Variants in GALNTL6 observed in about 807,000 individuals in gnomAD.
GALNTL6 encodes polypeptide N-acetylgalactosaminyltransferase like 6, also known as polypeptide N-acetylgalactosaminyltransferase-like 6.
GALNTL6 carries 46 observed loss-of-function variants against 73.7 expected under a neutral mutation model. The ratio of observed to expected loss-of-function variants is 0.62; its 90% CI spans 0.49 to 0.80. The LOEUF (loss-of-function observed/expected upper bound fraction) is 0.80. GALNTL6 is among the 30% of genes least tolerant of loss of function. GALNTL6 has a pLI of 0.00. For missense variants in GALNTL6, 604 were observed against 755.0 expected (o/e 0.80, Z 2.34); for synonymous variants, 259 against 263.7 (o/e 0.98, Z 0.17).
intron 2 of GALNTL6, among the ~76,000 whole-genome samples, chr4:172,006,279 T>A (rs1178411373): frequency 1.3e-5 from 2 of 152,186 alleles, no homozygotes; most frequent in African/African-American, 2.4e-5. Flanking sequence ...GTTTTTCCTA[T>A]ATGCCAATGG....
chr4:172,543,202 C>A (rs1394556443), intron 5 of GALNTL6, among the ~76,000 whole-genome samples: 1 of 152,140 alleles, frequency 6.6e-6, no homozygotes, highest in African/African-American at 2.4e-5. Context: ...AAATCCCACC[C>A]TTTTCTATAG....
chr4:172,490,895 A>T (rs993076760), intron 5 of GALNTL6, among the ~76,000 whole-genome samples: 1 of 152,152 alleles, frequency 6.6e-6, no homozygotes, highest in Admixed American at 6.6e-5. Context: ...CCGTTCATTC[A>T]TTTATTCATT....
chr4:172,340,246 T>C lies in GALNTL6; in HGVS notation c.387-8277T>C, dbSNP rs116729992. 2.4e-3 allele frequency among the ~76,000 whole-genome samples: 369 copies of C among 152,344 alleles called. 2 individuals are homozygous for C. Among genetic ancestry groups the C allele is most frequent in the African/African-American group, 8.2e-3 (340 of 41,580 alleles). Reference sequence around the variant, plus strand: ...AATACTTTCTCTGCATCTATTGAGATGATCATGTGGTTTTATGATTTTATT... The same window carrying C: ...AATACTTTCTCTGCATCTATTGAGACGATCATGTGGTTTTATGATTTTATT... On this transcript the variant is annotated intron_variant, in intron 4 of 12. Coordinates refer to ENST00000506823, the MANE Select transcript of GALNTL6 (RefSeq NM_001034845.3).
At chr4:171,904,430 G>A (rs1737207485) in intron 2 of GALNTL6, among the ~76,000 whole-genome samples, 1 of 152,096 alleles carries the variant, frequency 6.6e-6, no homozygotes, top group African/African-American at 2.4e-5. Flanking sequence ...AAAGAGAGAA[G>A]GGAAGTTCGG....
intron 2 of GALNTL6, among the ~76,000 whole-genome samples, chr4:171,865,594 A>T (rs1735949319): frequency 6.6e-6 from 1 of 152,228 alleles, no homozygotes; most frequent in Admixed American, 6.5e-5. Flanking sequence ...TTTGTATTTC[A>T]AGGAAAAAAG....
chr4:172,281,005 CAA>C (rs34883890), intron 3 of GALNTL6, among the ~76,000 whole-genome samples: 4 of 132,704 alleles, frequency 3.0e-5, no homozygotes, highest in Non-Finnish European at 1.7e-5. Context: ...CTAAAAAATA[CAA>C]AAAAAAAAAA....
intron 2 of GALNTL6, among the ~76,000 whole-genome samples, chr4:172,116,466 G>C (rs987196545): frequency 3.3e-5 from 5 of 151,996 alleles, no homozygotes; most frequent in African/African-American, 1.2e-4. Flanking sequence ...ATGATTTTTA[G>C]ATGACTGTTA....
chr4:172,538,132 A>T (rs1735413494), intron 5 of GALNTL6, among the ~76,000 whole-genome samples: 1 of 152,150 alleles, frequency 6.6e-6, no homozygotes, highest in South Asian at 2.1e-4. Flanking sequence ...CTGTATATAC[A>T]CAGACATCAG....
rs1560843329 is a variant in GALNTL6 at position 171,924,215 on chromosome 4, A to ACACAAAC, written c.138+109497_138+109498insCACAAAC. ...ACACACACACACACACACACACACA[A>ACACAAAC]ACACACACACACAGAGTTTGTCCAG... On this transcript the variant is annotated intron_variant, in intron 2 of 12. Coordinates refer to ENST00000506823, the MANE Select transcript of GALNTL6 (RefSeq NM_001034845.3). Among the ~76,000 whole-genome samples the ACACAAAC allele has an allele frequency of 5.2e-4, 62 of 118,704 alleles. 1 individual carries two copies. Among genetic ancestry groups the ACACAAAC allele is most frequent in the African/African-American group, 1.8e-3 (58 of 31,956 alleles). The allele number at this position is 118,704 out of a possible 152,430, so 77.9% of individuals were successfully genotyped here. A position where few individuals can be genotyped will look rare whatever the true frequency, so the allele number is the denominator to read the frequency against.
chr4:172,849,602 C>A (rs1432929248), intron 7 of GALNTL6, among the ~76,000 whole-genome samples: 1 of 152,110 alleles, frequency 6.6e-6, no homozygotes, highest in Non-Finnish European at 1.5e-5. Flanking sequence ...TAAGTAAACA[C>A]AAATAAAGTG....
At chr4:172,627,947 A>AC (rs1739232687) in intron 5 of GALNTL6, among the ~76,000 whole-genome samples, 2 of 151,594 alleles carry the variant, frequency 1.3e-5, no homozygotes, top group Non-Finnish European at 2.9e-5. Flanking sequence ...TCAAAAAAAA[A>AC]ACTACTTTTG....
chr4:172,642,316 G>A (rs946259104), intron 5 of GALNTL6, among the ~76,000 whole-genome samples: 1 of 151,896 alleles, frequency 6.6e-6, no homozygotes, highest in African/African-American at 2.4e-5. Flanking sequence ...ACTAAGGTGT[G>A]GAATCAACCT....
intron 2 of GALNTL6, among the ~76,000 whole-genome samples, chr4:171,859,901 T>C (rs1434903434): frequency 6.6e-6 from 1 of 152,200 alleles, no homozygotes; most frequent in Non-Finnish European, 1.5e-5. Context: ...ACTTATCTGG[T>C]CAGATTGATA....
intron 2 of GALNTL6, among the ~76,000 whole-genome samples, chr4:172,119,041 C>T (rs1268008473): frequency 2.0e-5 from 3 of 151,676 alleles, no homozygotes; most frequent in Admixed American, 2.0e-4. Flanking sequence ...AGTACATGGT[C>T]TTAATAAAAA....
chr4:171,941,056 T>A (rs549166286), intron 2 of GALNTL6, among the ~76,000 whole-genome samples: 3 of 152,156 alleles, frequency 2.0e-5, no homozygotes, highest in Admixed American at 2.0e-4. Context: ...CTACAGTCAC[T>A]TCAGGATAAA....
At chr4:172,682,867 A>C (rs1161103365) in intron 5 of GALNTL6, among the ~76,000 whole-genome samples, 2 of 152,146 alleles carry the variant, frequency 1.3e-5, no homozygotes, top group Non-Finnish European at 2.9e-5. Flanking sequence ...ATTAGAAAAA[A>C]AAATCTGAGC....
intron 2 of GALNTL6, among the ~76,000 whole-genome samples, chr4:172,074,469 TCATCCACAATTGC>T (rs145673905): frequency 0.018 from 2,736 of 152,290 alleles, 72 homozygotes; most frequent in African/African-American, 0.059. Context: ...TGCGGTTCTA[TCATCCACAATTGC>T]CATCCACAAT....
chr4:171,852,401 G>T (rs564523660), intron 2 of GALNTL6, among the ~76,000 whole-genome samples: 1 of 152,052 alleles, frequency 6.6e-6, no homozygotes, highest in Non-Finnish European at 1.5e-5. Context: ...ATTGCTTAAA[G>T]AAACTTGAAA....
At chr4:172,928,145 A>G (rs1006686384) in intron 8 of GALNTL6, among the ~76,000 whole-genome samples, 4 of 152,248 alleles carry the variant, frequency 2.6e-5, no homozygotes, top group African/African-American at 9.6e-5. Context: ...CCTATTTGTT[A>G]GCAGATTTGA....
Sources: gnomAD v4.1 joint callset for allele counts (sites outside exome capture counted in the v4.1 genomes callset) on GRCh38, gnomAD v4.1.1 for gene constraint, MANE v1.5 for transcripts, NCBI Gene and HGNC (gene_info 2026-07-23, HGNC 2026-07-21) for gene names.